The following WDR72 variants were observed in gnomAD, a reference collection of about 807,000 sequenced individuals.
WDR72 encodes WD repeat-containing protein 72.
WDR72 carries 120 observed loss-of-function variants against 124.2 expected under a neutral mutation model. The ratio of observed to expected loss-of-function variants is 0.97; its 90% CI spans 0.83 to 1.12. The LOEUF (loss-of-function observed/expected upper bound fraction) is 1.12, where lower values mean the gene tolerates loss of function less well. Ranked by LOEUF, WDR72 falls within the 50% of genes most tolerant of loss-of-function variation. The probability of loss-of-function intolerance (pLI) is 0.00; values close to 1 mark genes in which losing one functional copy is unlikely to be tolerated. For synonymous variants in WDR72, 452 were observed against 441.7 expected (o/e 1.02, Z -0.29); for missense variants, 1,387 against 1,278.8 (o/e 1.08, Z -1.29).
intron 14 of WDR72, among the ~76,000 whole-genome samples, chr15:53,637,436 T>A (rs1026613915): frequency 6.6e-5 from 10 of 152,154 alleles, no homozygotes; most frequent in Non-Finnish European, 8.8e-5. Context: ...ACCACTGGAG[T>A]AATAGAGTAT....
intron 13 of WDR72, among the ~76,000 whole-genome samples, chr15:53,693,311 T>G (rs2016900337): frequency 6.6e-6 from 1 of 152,218 alleles, no homozygotes; most frequent in African/African-American, 2.4e-5. Context: ...TAAACTTGTA[T>G]AATATTTTGG....
chr15:53,709,710 T>G (rs1334796415), intron 9 of WDR72, among the ~76,000 whole-genome samples: 1 of 152,212 alleles, frequency 6.6e-6, no homozygotes, highest in Non-Finnish European at 1.5e-5. Context: ...GAAATAGTGG[T>G]TGATGCATGC....
Position 53,665,614 on chromosome 15 carries a change from C to T in WDR72, c.1920G>A (p.Gly640=), listed in dbSNP as rs940464420. ...EQRSSSPYQL[G]PLPCPGLQVE... ...CCTGCAGACCAGGGCAAGGTAATGG[C>T]CCAAGCTGGTAGGGGCTGGAGGATC... Residue 640 remains glycine, a synonymous_variant, in exon 14 of 20, where the codon GGG becomes GGA. Transcript: ENST00000360509. The T allele has an allele frequency of 2.5e-6, 4 of 1,613,874 alleles. No homozygotes were observed. Among genetic ancestry groups the T allele is most frequent in the South Asian group, 2.2e-5 (2 of 91,076 alleles).
chr15:53,530,200 T>G (rs62005872), intron 18 of WDR72, among the ~76,000 whole-genome samples: 1 of 150,908 alleles, frequency 6.6e-6, no homozygotes, highest in Admixed American at 6.6e-5. Flanking sequence ...TAAGAAACAT[T>G]ACTTCTTATT....
chr15:53,544,611 A>G (rs1893347685), intron 18 of WDR72, among the ~76,000 whole-genome samples: 1 of 149,050 alleles, frequency 6.7e-6, no homozygotes, highest in African/African-American at 2.5e-5. Flanking sequence ...CAAGACAGGG[A>G]TGCCCTCTCT....
At chr15:53,528,444 A>C (rs1892245847) in intron 18 of WDR72, among the ~76,000 whole-genome samples, 1 of 152,090 alleles carries the variant, frequency 6.6e-6, no homozygotes, top group Non-Finnish European at 1.5e-5. Context: ...TTTACAGACA[A>C]GTTTAGCAAG....
At chr15:53,654,073 A>AATTCT (rs2015333515) in intron 14 of WDR72, among the ~76,000 whole-genome samples, 1 of 152,208 alleles carries the variant, frequency 6.6e-6, no homozygotes, top group African/African-American at 2.4e-5. Flanking sequence ...TAAACTACTG[A>AATTCT]CAAAACCTGC....
intron 14 of WDR72, among the ~76,000 whole-genome samples, chr15:53,658,761 T>G (rs559484847): frequency 3.3e-5 from 5 of 152,216 alleles, no homozygotes; most frequent in Non-Finnish European, 5.9e-5. Flanking sequence ...AAATAATATC[T>G]GAAAACTCTC....
rs543504176 is a variant in WDR72, at chr15:53,630,419, G to A, written c.1963-14176C>T. 6.3e-4 allele frequency among the ~76,000 whole-genome samples: 96 copies of A among 152,156 alleles called. 1 individual carries two copies. The highest frequency in any genetic ancestry group is 1.2e-3 in the Non-Finnish European group (83 of 67,992). ...ACAGAGATATCACAAGATAAGAAAAGTACAGACCAATAACCCTTATAACTA... is the reference window on the plus strand; with the variant it reads ...ACAGAGATATCACAAGATAAGAAAAATACAGACCAATAACCCTTATAACTA... On this transcript the variant is annotated intron_variant, in intron 14 of 19. Transcript: ENST00000360509.
At chr15:53,680,580 G>A (rs2016346423) in intron 13 of WDR72, among the ~76,000 whole-genome samples, 1 of 152,178 alleles carries the variant, frequency 6.6e-6, no homozygotes, top group African/African-American at 2.4e-5. Context: ...TAAATCATGG[G>A]TTAAAGCCAA....
intron 14 of WDR72, among the ~76,000 whole-genome samples, chr15:53,647,106 G>T (rs556965309): frequency 6.6e-6 from 1 of 152,038 alleles, no homozygotes; most frequent in Non-Finnish European, 1.5e-5. Context: ...AATTATTTTT[G>T]TGCACAAACA....
At chr15:53,550,486 C>G (rs1893685661) in intron 18 of WDR72, among the ~76,000 whole-genome samples, 1 of 152,202 alleles carries the variant, frequency 6.6e-6, no homozygotes, top group Admixed American at 6.5e-5. Context: ...GGGAGCTTAT[C>G]AGAATCTCTG....
At chr15:53,529,493 G>C (rs943580104) in intron 18 of WDR72, among the ~76,000 whole-genome samples, 12 of 151,956 alleles carry the variant, frequency 7.9e-5, no homozygotes, top group African/African-American at 2.9e-4. Flanking sequence ...AGGATACTAA[G>C]AGGGTAAATG....
chr15:53,605,619 C>A (rs1015238284), intron 17 of WDR72, among the ~76,000 whole-genome samples: 1 of 152,118 alleles, frequency 6.6e-6, no homozygotes, highest in Admixed American at 6.5e-5. Context: ...CTTTGGGAGG[C>A]CAAGGCGGGG....
intron 14 of WDR72, among the ~76,000 whole-genome samples, chr15:53,626,460 AG>A (rs2014213374): frequency 6.6e-6 from 1 of 152,198 alleles, no homozygotes; most frequent in Admixed American, 6.5e-5. Context: ...CAGGTCTGCG[AG>A]GCGGCAAAGA....
chr15:53,744,715 T>C (rs967128342), intron 1 of WDR72, among the ~76,000 whole-genome samples: 3 of 152,180 alleles, frequency 2.0e-5, no homozygotes, highest in Non-Finnish European at 2.9e-5. Context: ...TGACATTCAG[T>C]AATATTTCTT....
chr15:53,546,670 TAAAA>T (rs985627108), intron 18 of WDR72, among the ~76,000 whole-genome samples: 1 of 150,612 alleles, frequency 6.6e-6, no homozygotes, highest in African/African-American at 2.4e-5. Flanking sequence ...ATAATAATAA[TAAAA>T]AAAAGAACAA....
At chr15:53,652,874 TA>T (rs1305400497) in intron 14 of WDR72, among the ~76,000 whole-genome samples, 1 of 152,198 alleles carries the variant, frequency 6.6e-6, no homozygotes, top group Non-Finnish European at 1.5e-5. Context: ...TTCTCCCTAA[TA>T]TGCTGGGCAT....
chr15:53,573,570 G>A (rs1894639723), intron 18 of WDR72, among the ~76,000 whole-genome samples: 1 of 150,882 alleles, frequency 6.6e-6, no homozygotes, highest in Non-Finnish European at 1.5e-5. Context: ...TTCGGAGACG[G>A]AGTCTCGCTC....
Sources: allele counts gnomAD v4.1 joint callset (sites outside exome capture counted in the v4.1 genomes callset), GRCh38; gene constraint gnomAD v4.1.1; transcripts MANE v1.5; gene names NCBI Gene and HGNC (gene_info 2026-07-23, HGNC 2026-07-21).